Variants in WDR44 observed in about 807,000 individuals in gnomAD.
The protein encoded by WDR44 is WD repeat-containing protein 44.
Under a neutral mutation model 65.7 loss-of-function variants are expected in WDR44, and 9 were observed. The ratio of observed to expected loss-of-function variants is 0.14; its 90% confidence interval spans 0.08 to 0.24. The LOEUF is 0.24. Ranked by LOEUF, WDR44 falls within the 10% of genes least tolerant of loss-of-function variation. The probability of loss-of-function intolerance (pLI) is 1.00; values close to 1 mark genes in which losing one functional copy is unlikely to be tolerated. For synonymous variants in WDR44, 220 were observed against 235.2 expected (o/e 0.94, Z 0.59); for missense variants, 425 against 670.9 (o/e 0.63, Z 4.05).
chrX:118,386,197 C>T (rs1203887664), intron 2 of WDR44, among the ~76,000 whole-genome samples: 3 of 111,200 alleles, frequency 2.7e-5, no homozygotes, highest in African/African-American at 6.5e-5. Flanking sequence ...TTATAATGAC[C>T]TTCCTCTAAC....
chrX:118,361,002 T>G (rs2056506625), intron 1 of WDR44, among the ~76,000 whole-genome samples: 1 of 111,333 alleles, frequency 9.0e-6, no homozygotes, highest in South Asian at 3.8e-4. Flanking sequence ...ACCACCTTTT[T>G]TTTTCCTCAG....
intron 12 of WDR44, among the ~76,000 whole-genome samples, chrX:118,416,166 T>G (rs1268407671): frequency 8.9e-6 from 1 of 112,054 alleles, no homozygotes; most frequent in Non-Finnish European, 1.9e-5. Context: ...TATTTTTTGT[T>G]TGTTTCAATT....
chrX:118,388,897 C>T (rs1479999269), intron 3 of WDR44, among the ~76,000 whole-genome samples: 1 of 112,026 alleles, frequency 8.9e-6, no homozygotes, highest in Non-Finnish European at 1.9e-5. Context: ...TCAGATGCAT[C>T]AGATTCCATC....
chrX:118,391,260 A>G (rs1056851703), intron 3 of WDR44, among the ~76,000 whole-genome samples: 5 of 112,083 alleles, frequency 4.5e-5, no homozygotes, highest in African/African-American at 1.6e-4. Context: ...ATCCATTGTA[A>G]TATGACTTCT....
rs1239227456 is a variant in WDR44, at chrX:118,443,668, C to T, written c.2493C>T (p.Asp831=). Residue 831 remains aspartate (D), a synonymous_variant, in exon 18 of 20, where the codon GAC becomes GAT. Coordinates refer to ENST00000254029, the MANE Select transcript of WDR44 (RefSeq NM_019045.5). ...CTTCAGTCAGGAGAGATCGTAATGA[C>T]TTCTGGGAAGGTATTAAAGGTAAGT... ...KFTSVRRDRN[D]FWEGIKAHNA... 2 of 1,206,746 alleles carry T rather than the reference C, an allele frequency of 1.7e-6. No homozygotes were observed. The highest frequency in any genetic ancestry group is 1.8e-5 in the South Asian group (1 of 55,922).
At chrX:118,356,645 A>G (rs1241028604) in intron 1 of WDR44, among the ~76,000 whole-genome samples, 1 of 109,279 alleles carries the variant, frequency 9.2e-6, no homozygotes, top group African/African-American at 3.3e-5. Context: ...AATGGGAAAA[A>G]TGTATTCCTA....
rs1294615975 is a variant in WDR44 at position 118,424,309 on chromosome X, A to ATGTG, written c.1738-8471_1738-8470insGTGT. The stretch of plus-strand genomic sequence containing the variant: ...TGTGTGTGTGTATGTGTATATATAT[A>ATGTG]TATGTGTGTGTGTGTATATATATAT... On this transcript the variant is annotated intron_variant, in intron 12 of 19. Coordinates refer to ENST00000254029, the MANE Select transcript of WDR44 (RefSeq NM_019045.5). 1.6e-3 allele frequency among the ~76,000 whole-genome samples: 129 copies of ATGTG among 81,272 alleles called. 4 individuals are homozygous for ATGTG. Among genetic ancestry groups the ATGTG allele is most frequent in the African/African-American group, 7.3e-3 (113 of 15,542 alleles). The allele number at this position is 81,272 out of a possible 115,157, so 70.6% of individuals were successfully genotyped here.
intron 12 of WDR44, among the ~76,000 whole-genome samples, chrX:118,420,721 T>C (rs903513488): frequency 1.8e-5 from 2 of 112,628 alleles, no homozygotes; most frequent in Non-Finnish European, 3.8e-5. Context: ...CTTTCATGTC[T>C]CTGTCCCTGC....
chrX:118,403,400 G>A (rs929759388), intron 8 of WDR44, among the ~76,000 whole-genome samples: 2 of 111,622 alleles, frequency 1.8e-5, no homozygotes, highest in African/African-American at 6.5e-5. Context: ...CAAAGCCCCT[G>A]AGGTTACTAT....
At chrX:118,417,951 T>G (rs912040965) in intron 12 of WDR44, among the ~76,000 whole-genome samples, 3 of 112,025 alleles carry the variant, frequency 2.7e-5, no homozygotes, top group East Asian at 2.8e-4. Flanking sequence ...CTGAATTTCT[T>G]TCTTCTACTT....
rs865981959 is a variant in WDR44, at chrX:118,352,344, A to T, written c.77+5764A>T. On this transcript the variant is annotated intron_variant, in intron 1 of 19. Transcript: ENST00000254029. ...TATATATATATATATATATATATAT[A>T]TATATATATTTTTTTTTTTTTTTTT... 4.8e-3 allele frequency among the ~76,000 whole-genome samples: 111 copies of T among 23,018 alleles called. 1 individual carries two copies. Among genetic ancestry groups the T allele is most frequent in the African/African-American group, 0.027 (79 of 2,975 alleles). The allele number at this position is 23,018 out of a possible 115,157, so 20.0% of individuals were successfully genotyped here. A position where few individuals can be genotyped will look rare whatever the true frequency, so the allele number is the denominator to read the frequency against.
chrX:118,405,731 T>A (rs2056960068), intron 9 of WDR44, among the ~76,000 whole-genome samples: 1 of 111,304 alleles, frequency 9.0e-6, no homozygotes, highest in Non-Finnish European at 1.9e-5. Context: ...AAAATATTTT[T>A]AAAAATATAT....
At chrX:118,393,933 T>C in intron 4 of WDR44, 122 bp from the exon 5 acceptor site, 1 of 604,365 alleles carries the variant, frequency 1.7e-6, no homozygotes, top group Non-Finnish European at 2.5e-6. Flanking sequence ...ATTAAATAAC[T>C]TGTTTGAACC....
intron 19 of WDR44, among the ~76,000 whole-genome samples, chrX:118,447,623 T>A (rs985432253): frequency 9.0e-6 from 1 of 110,726 alleles, no homozygotes; most frequent in Non-Finnish European, 1.9e-5. Context: ...TGGTGGCTCA[T>A]GCCTGTAACC....
At chrX:118,355,613 A>G (rs775780820) in intron 1 of WDR44, among the ~76,000 whole-genome samples, 3 of 112,264 alleles carry the variant, frequency 2.7e-5, no homozygotes, top group East Asian at 5.6e-4. Context: ...TACTGTGCCT[A>G]TTATGTCCCA....
intron 11 of WDR44, 63 bp downstream of exon 11, chrX:118,409,690 T>C: frequency 1.9e-6 from 2 of 1,045,612 alleles, no homozygotes; most frequent in South Asian, 2.4e-5. Context: ...GGTATACTGA[T>C]GCCCTACTTT....
chrX:118,397,748 G>T (rs186081439), intron 7 of WDR44, among the ~76,000 whole-genome samples: 3 of 111,929 alleles, frequency 2.7e-5, no homozygotes. Context: ...TACTTAATGA[G>T]TGGGGAGGAA....
At chrX:118,409,184 C>T (rs184506322) in intron 10 of WDR44, among the ~76,000 whole-genome samples, 52 of 111,277 alleles carry the variant, frequency 4.7e-4, no homozygotes, top group East Asian at 2.8e-4. Context: ...GGCTGGAGTG[C>T]AATGGCGCGG....
At chrX:118,410,858 A>G in intron 11 of WDR44, 37 bp from the exon 12 acceptor site, 1 of 1,143,615 alleles carries the variant, frequency 8.7e-7, no homozygotes, top group Non-Finnish European at 1.2e-6. Flanking sequence ...GTGTGTGTAC[A>G]TACATGCCTT....
Sources: gnomAD v4.1 joint callset for allele counts (sites outside exome capture counted in the v4.1 genomes callset) on GRCh38, gnomAD v4.1.1 for gene constraint, MANE v1.5 for transcripts, NCBI Gene and HGNC (gene_info 2026-07-23, HGNC 2026-07-21) for gene names.